The following UBR4 variants were observed in gnomAD, a reference collection of about 807,000 sequenced individuals.
The protein encoded by UBR4 is E3 ubiquitin-protein ligase UBR4.
A neutral mutation model predicts 575.6 loss-of-function variants in UBR4; 124 were observed. The ratio of observed to expected loss-of-function variants is 0.22; its 90% CI spans 0.19 to 0.25. The LOEUF (loss-of-function observed/expected upper bound fraction) is 0.25. Ranked by LOEUF, UBR4 falls within the 10% of genes least tolerant of loss-of-function variation. The pLI, the probability that UBR4 is intolerant of heterozygous loss-of-function variation, is 1.00. For missense variants in UBR4, 4,818 were observed against 6,478.8 expected, an observed-to-expected ratio of 0.74 and a Z score of 8.80; for synonymous variants, 2,455 against 2,473.7, an observed-to-expected ratio of 0.99 and a Z score of 0.22.
chr1:19,133,551 GA>G lies in UBR4; in HGVS notation c.8906+4455del, dbSNP rs1452827148. 1.1e-4 allele frequency among the ~76,000 whole-genome samples: 16 copies of G among 152,194 alleles called. No homozygotes were observed. The South Asian group carries it at 1.7e-3, about 16-fold the overall frequency. ...GGTCTTAGCCAACGCAATAAGGCAA[GA>G]AAAGAAAATTAAAAAGTATAAAGAT... is the stretch of plus-strand genomic sequence containing the variant. On this transcript the variant is annotated intron_variant, in intron 60 of 105. Transcript: ENST00000375254.
At chr1:19,178,945 T>C (rs2090582276) in intron 18 of UBR4, 106 bp downstream of exon 18, 3 of 1,397,904 alleles carry the variant, frequency 2.1e-6, no homozygotes, top group African/African-American at 1.5e-5. Flanking sequence ...ACTCTAAACA[T>C]TATCATTACA....
At position 19,114,886 on chromosome 1, in the gene UBR4, G is replaced by C. The variant is rs141261941; in HGVS notation, c.11127C>G (p.Ala3709=). 74 of 1,614,074 alleles carry C rather than the reference G, an allele frequency of 4.6e-5. No individual in the cohort carries two copies. The highest frequency in any genetic ancestry group is 3.1e-4 in the East Asian group (14 of 44,888). Residue 3709 remains alanine, a synonymous_variant, in exon 75 of 106, where the codon GCC becomes GCG. Coordinates refer to ENST00000375254, the MANE Select transcript of UBR4 (RefSeq NM_020765.3). ...LCNACGFCKY[A]RFDFMLYAKP... is the part of the protein sequence containing the mutation. Reference sequence around the variant, plus strand: ...TGGCATAGAGCATGAAGTCGAAGCGGGCATATTTACAGAAGCCACAGGCAT... The same window carrying C: ...TGGCATAGAGCATGAAGTCGAAGCGCGCATATTTACAGAAGCCACAGGCAT...
rs1291938873 is a variant in UBR4, at chr1:19,121,375, G to A, written c.9955C>T (p.Leu3319=). The A allele has an allele frequency of 2.5e-6, 4 of 1,614,024 alleles. No homozygotes were observed. The highest frequency in any genetic ancestry group is 1.6e-4 in the Middle Eastern group (1 of 6,082). The change falls in exon 68 of 106, where the codon CTG becomes TTG. Residue 3319 remains leucine (L), a synonymous_variant. Coordinates refer to ENST00000375254, the MANE Select transcript of UBR4 (RefSeq NM_020765.3). ...AGAGCACAGGAGAGCAGTTGCAGCA[G>A]CACTGGGGACACGCCCTCATCCACA... is the stretch of plus-strand genomic sequence containing the variant. The part of the protein sequence containing the change: ...FLVDEGVSPV[L]LQLLSCALCG...
At chr1:19,194,913 A>G (rs1450224076) in intron 8 of UBR4, among the ~76,000 whole-genome samples, 1 of 151,950 alleles carries the variant, frequency 6.6e-6, no homozygotes, top group East Asian at 1.9e-4. Context: ...AACAGTTCAA[A>G]TCTAGCCTGG....
chr1:19,081,580 G>T lies in UBR4; in HGVS notation c.15009-7C>A. 1 of 1,613,996 alleles carries T rather than the reference G, an allele frequency of 6.2e-7. No individual in the cohort carries two copies. The highest frequency in any genetic ancestry group is 8.5e-7 in the Non-Finnish European group (1 of 1,179,984). Reference sequence around the variant, plus strand: ...TCGGGAAGTTGCTCGGGTTCTAGAAGAAAAGCGGCATGATAAAATAAAAGC... The same window carrying T: ...TCGGGAAGTTGCTCGGGTTCTAGAATAAAAGCGGCATGATAAAATAAAAGC... On this transcript the variant is annotated splice_region_variant and splice_polypyrimidine_tract_variant and intron_variant, in intron 102 of 105. Coordinates refer to ENST00000375254, the MANE Select transcript of UBR4 (RefSeq NM_020765.3).
intron 8 of UBR4, among the ~76,000 whole-genome samples, chr1:19,194,787 G>A (rs1244318768): frequency 6.6e-6 from 1 of 152,006 alleles, no homozygotes; most frequent in Non-Finnish European, 1.5e-5. Flanking sequence ...GGGCAAAAGA[G>A]CGAAATGCCA....
intron 39 of UBR4, among the ~76,000 whole-genome samples, 193 bp downstream of exon 39, chr1:19,159,917 CA>C (rs1476139662): frequency 6.7e-6 from 1 of 149,332 alleles, no homozygotes; most frequent in African/African-American, 2.5e-5. Flanking sequence ...CTTTTGAAGC[CA>C]AACCTCGTAT....
intron 18 of UBR4, 91 bp downstream of exon 18, chr1:19,178,960 A>T: frequency 6.8e-7 from 1 of 1,479,332 alleles, no homozygotes; most frequent in Middle Eastern, 2.3e-4. Flanking sequence ...ATTACAGCAA[A>T]GCCTCAAAGC....
rs12566125 is a variant in UBR4, at chr1:19,180,394, G to A, written c.2185-1174C>T. ...AGTAGAGACGGGGTTTCACAATGTT[G>A]GCCAGGCTGGTCTCGAACTTCTGGC... On this transcript the variant is annotated intron_variant, in intron 17 of 105. Transcript: ENST00000375254. Among the ~76,000 whole-genome samples, 28 of 151,888 alleles carry A rather than the reference G, an allele frequency of 1.8e-4. No homozygotes were observed. The East Asian group carries it at 2.9e-3, about 16-fold the overall frequency.
At position 19,184,093 on chromosome 1, in the gene UBR4, A is replaced by G; in HGVS notation, c.2021T>C (p.Leu674Pro). 1 of 1,614,214 alleles carries G rather than the reference A, an allele frequency of 6.2e-7. No individual in the cohort carries two copies. The highest frequency in any genetic ancestry group is 1.1e-5 in the South Asian group (1 of 91,088). ...ATGGTGTTCTGAAAGAGATACACTC[A>G]GATAGTTTCGGATAAAATTGTTCCG... is the stretch of plus-strand genomic sequence containing the variant. ...NSRNNFIRNYLSVSLSEHHMA... is the reference protein window; with the variant it reads ...NSRNNFIRNYPSVSLSEHHMA... The change falls in exon 16 of 106, where the codon CTG becomes CCG. Residue 674 changes from leucine to proline, a missense_variant. By Grantham distance (98) the Leu-to-Pro change is moderately conservative. Around this residue, in one of 29 missense-constraint regions of UBR4, gnomAD observed 1,172 missense variants for 1,259.7 expected, o/e 0.93. Transcript: ENST00000375254.
intron 97 of UBR4, among the ~76,000 whole-genome samples, chr1:19,092,275 T>C (rs1394209466): frequency 6.6e-6 from 1 of 152,142 alleles, no homozygotes; most frequent in East Asian, 1.9e-4. Flanking sequence ...ATGATTTCTC[T>C]GTATTGTTTC....
At position 19,117,575 on chromosome 1, in the gene UBR4, T is replaced by C. The variant is rs2080688596; in HGVS notation, c.10630-161A>G. Among the ~76,000 whole-genome samples, 1 of 152,220 alleles carries C rather than the reference T, an allele frequency of 6.6e-6. No individual in the cohort carries two copies. The highest frequency in any genetic ancestry group is 6.5e-5 in the Admixed American group (1 of 15,282). On this transcript the variant is annotated intron_variant, in intron 72 of 105. Transcript: ENST00000375254. This position sits in a 1 kb window ranked among gnomAD's most constrained non-coding sequence, Gnocchi z 4.0. ...TGGGGTCTCACCATCTTGCCCAGGC[T>C]GGTCTAAAACCCCTGGGCTCAGGGG...
At chr1:19,190,540 T>TA (rs2091990308) in intron 11 of UBR4, among the ~76,000 whole-genome samples, 1 of 151,882 alleles carries the variant, frequency 6.6e-6, no homozygotes, top group Admixed American at 6.6e-5. Flanking sequence ...ACAGTCATCT[T>TA]ACACTCAGCA....
intron 39 of UBR4, among the ~76,000 whole-genome samples, chr1:19,159,588 T>C (rs2086968386): frequency 6.6e-6 from 1 of 151,016 alleles, no homozygotes; most frequent in Non-Finnish European, 1.5e-5. Flanking sequence ...GACCCTGGAT[T>C]CCCCAGCCCC....
At chr1:19,085,487 A>G (rs1258070521) in intron 101 of UBR4, among the ~76,000 whole-genome samples, 2 of 152,330 alleles carry the variant, frequency 1.3e-5, no homozygotes, top group East Asian at 3.9e-4. Context: ...ACGCCACTGC[A>G]CTCCAGCCTG....
intron 78 of UBR4, among the ~76,000 whole-genome samples, chr1:19,111,244 G>A (rs2079838105): frequency 6.6e-6 from 1 of 152,130 alleles, no homozygotes; most frequent in African/African-American, 2.4e-5. Context: ...ACGTCTCTTT[G>A]TAACAATGTT....
chr1:19,159,755 G>T (rs2087011732), intron 39 of UBR4, among the ~76,000 whole-genome samples: 1 of 151,360 alleles, frequency 6.6e-6, no homozygotes, highest in South Asian at 2.1e-4. Context: ...GTGCCACCAT[G>T]CCAAGCTAAA....
At chr1:19,159,623 G>C (rs1007150239) in intron 39 of UBR4, among the ~76,000 whole-genome samples, 20 of 142,448 alleles carry the variant, frequency 1.4e-4, no homozygotes, top group African/African-American at 4.7e-4. Flanking sequence ...TTTTTTTTGA[G>C]AGAGAGTCTC....
chr1:19,164,134 A>G, intron 33 of UBR4, 119 bp downstream of exon 33: 2 of 1,255,384 alleles, frequency 1.6e-6, no homozygotes, highest in Non-Finnish European at 2.2e-6. Flanking sequence ...CCCAACTCCC[A>G]AACTCCAATG....
Sources: gnomAD v4.1 joint callset for allele counts (sites outside exome capture counted in the v4.1 genomes callset) on GRCh38, gnomAD v4.1.1 for gene constraint, gnomAD v4.1.1 regional missense constraint, Gnocchi (gnomAD v3.1) non-coding constraint, MANE v1.5 for transcripts, NCBI Gene and HGNC (gene_info 2026-07-23, HGNC 2026-07-21) for gene names.